The following PARP11 variants were observed in gnomAD, a reference collection of about 807,000 sequenced individuals.
PARP11 encodes the protein poly(ADP-ribose) polymerase family member 11, also known as protein mono-ADP-ribosyltransferase PARP11.
Under a neutral mutation model 42.9 loss-of-function variants are expected in PARP11, and 31 were observed. The observed-to-expected ratio is 0.72, with a 90% CI of 0.54 to 0.98. The LOEUF is 0.98. Among genes scored for constraint, PARP11 ranks in the 50% least tolerant of loss-of-function variants. The probability of loss-of-function intolerance (pLI) is 0.00; values close to 1 mark genes in which losing one functional copy is unlikely to be tolerated. For synonymous variants in PARP11, 137 were observed against 127.3 expected, an observed-to-expected ratio of 1.08 and a Z score of -0.51; for missense variants, 365 against 413.1, an observed-to-expected ratio of 0.88 and a Z score of 1.01.
At chr12:3,818,123 C>A (rs1371623323) in intron 6 of PARP11, among the ~76,000 whole-genome samples, 1 of 152,188 alleles carries the variant, frequency 6.6e-6, no homozygotes, top group African/African-American at 2.4e-5. Flanking sequence ...AATTCACATA[C>A]TTTAGCTAAG....
intron 1 of PARP11, among the ~76,000 whole-genome samples, chr12:3,839,045 C>T (rs1348949755): frequency 8.5e-5 from 13 of 152,098 alleles, no homozygotes; most frequent in South Asian, 2.1e-4. Context: ...CCCGCTCCCC[C>T]CGTTTGTCGT....
chr12:3,868,054 G>A (rs879361759), intron 1 of PARP11, among the ~76,000 whole-genome samples: 3 of 152,040 alleles, frequency 2.0e-5, no homozygotes, highest in Non-Finnish European at 4.4e-5. Context: ...ATCAAAATGT[G>A]GTCTAACCTA....
At position 3,841,633 on chromosome 12, in the gene PARP11, C is replaced by T. The variant is rs550474288; in HGVS notation, c.19-11615G>A. ...TGATCTTGAATCTGAGACCCCTGGG[C>T]AGCTTCTGCATGCTGATTATGAAGA... On this transcript the variant is annotated intron_variant, in intron 1 of 7. Coordinates refer to ENST00000228820, the MANE Select transcript of PARP11 (RefSeq NM_020367.6). The T allele has an allele frequency of 3.7e-5, 60 of 1,613,588 alleles. 1 individual carries two copies. In the South Asian group the frequency reaches 6.2e-4, roughly 17 times the overall value.
chr12:3,830,188 A>C (rs1297809568), intron 1 of PARP11, among the ~76,000 whole-genome samples, 170 bp from the exon 2 acceptor site: 2 of 152,234 alleles, frequency 1.3e-5, no homozygotes, highest in African/African-American at 2.4e-5. Flanking sequence ...TAAACATTAA[A>C]AATGTTGGAC....
rs938777162 is a variant in PARP11 at position 3,826,011 on chromosome 12, G to A, written c.344+147C>T. The A allele has an allele frequency of 6.0e-6, 3 of 497,642 alleles. 1 individual carries two copies. The highest frequency in any genetic ancestry group is 2.0e-5 in the African/African-American group (1 of 50,494). The allele number at this position is 497,642 out of a possible 1,614,324, so 30.8% of individuals were successfully genotyped here. The stretch of plus-strand genomic sequence containing the variant: ...CCCAAAGTGCTGGGATTACAGGTGT[G>A]AGCCACTGCGCCTGGCCCAAGATTT... On this transcript the variant is annotated intron_variant, in intron 4 of 7. Coordinates refer to ENST00000228820, the MANE Select transcript of PARP11 (RefSeq NM_020367.6).
chr12:3,817,800 G>A (rs1239886747), intron 6 of PARP11, among the ~76,000 whole-genome samples: 3 of 152,148 alleles, frequency 2.0e-5, no homozygotes, highest in Non-Finnish European at 4.4e-5. Flanking sequence ...CCTAGATTTA[G>A]AACACCTGTC....
At chr12:3,851,816 TC>T (rs1280001678) in intron 1 of PARP11, among the ~76,000 whole-genome samples, 1 of 152,192 alleles carries the variant, frequency 6.6e-6, no homozygotes, top group East Asian at 1.9e-4. Context: ...CTCAAGTGGG[TC>T]CCTGACCCCC....
chr12:3,841,064 C>T (rs933168603), intron 1 of PARP11: 6 of 1,602,670 alleles, frequency 3.7e-6, no homozygotes, highest in Non-Finnish European at 5.1e-6. Flanking sequence ...TCTGCTGTAT[C>T]CCAAACTCAT....
chr12:3,833,680 C>A (rs1346569050), intron 1 of PARP11, among the ~76,000 whole-genome samples: 1 of 152,140 alleles, frequency 6.6e-6, no homozygotes, highest in Non-Finnish European at 1.5e-5. Flanking sequence ...GGAAACTGTA[C>A]TAAGGGCATA....
chr12:3,818,423 T>G (rs551203792), intron 6 of PARP11, among the ~76,000 whole-genome samples: 1 of 152,216 alleles, frequency 6.6e-6, no homozygotes, highest in Non-Finnish European at 1.5e-5. Context: ...TCTCAGAATT[T>G]CATCTCACCA....
chr12:3,872,684 G>A, intron 1 of PARP11: 1 of 985,270 alleles, frequency 1.0e-6, no homozygotes, highest in Non-Finnish European at 1.2e-6. Flanking sequence ...CAAGACAAGG[G>A]GGTCCCAATT....
chr12:3,843,969 G>C (rs1241334041), intron 1 of PARP11, among the ~76,000 whole-genome samples: 1 of 152,124 alleles, frequency 6.6e-6, no homozygotes, highest in Non-Finnish European at 1.5e-5. Context: ...TTTTTGTAAA[G>C]CAAATTACTT....
intron 1 of PARP11, among the ~76,000 whole-genome samples, chr12:3,838,168 A>C (rs957927100): frequency 6.6e-6 from 1 of 151,202 alleles, no homozygotes; most frequent in Non-Finnish European, 1.5e-5. Flanking sequence ...TCTTTTCATC[A>C]ACACATGAAA....
At chr12:3,820,754 A>C (rs887344759) in intron 6 of PARP11, among the ~76,000 whole-genome samples, 2 of 152,242 alleles carry the variant, frequency 1.3e-5, no homozygotes, top group African/African-American at 4.8e-5. Context: ...TCATCTAAAC[A>C]AGAACTAAAT....
intron 7 of PARP11, among the ~76,000 whole-genome samples, chr12:3,813,011 G>A (rs1206199220): frequency 6.6e-6 from 1 of 152,036 alleles, no homozygotes; most frequent in Non-Finnish European, 1.5e-5. Flanking sequence ...CACCATGTTG[G>A]CCAGGCTGAT....
At chr12:3,868,822 C>G (rs1948431266) in intron 1 of PARP11, among the ~76,000 whole-genome samples, 1 of 152,236 alleles carries the variant, frequency 6.6e-6, no homozygotes, top group South Asian at 2.1e-4. Flanking sequence ...CCTTATCCCC[C>G]TCAGTATTTT....
intron 1 of PARP11, among the ~76,000 whole-genome samples, chr12:3,871,028 T>C (rs888898057): frequency 1.3e-5 from 2 of 152,212 alleles, no homozygotes; most frequent in African/African-American, 2.4e-5. Context: ...ATGATGACTA[T>C]TGTTATATGA....
chr12:3,814,677 A>G (rs540843977), intron 6 of PARP11, among the ~76,000 whole-genome samples: 136 of 152,322 alleles, frequency 8.9e-4, no homozygotes, highest in African/African-American at 2.7e-3. Flanking sequence ...ATCCAGTTTA[A>G]TCCTCTTCCC....
At chr12:3,859,108 AAAAG>A (rs1201518057) in intron 1 of PARP11, among the ~76,000 whole-genome samples, 7 of 151,884 alleles carry the variant, frequency 4.6e-5, no homozygotes, top group African/African-American at 1.7e-4. Flanking sequence ...AAAAAAAAAA[AAAAG>A]AAAAATATTA....
Sources: allele counts gnomAD v4.1 joint callset (sites outside exome capture counted in the v4.1 genomes callset), GRCh38; gene constraint gnomAD v4.1.1; transcripts MANE v1.5; gene names NCBI Gene and HGNC (gene_info 2026-07-23, HGNC 2026-07-21).